SMTN: variants seen among roughly 807,000 people sequenced by gnomAD.
SMTN encodes the protein smoothelin.
Under a neutral mutation model 102.0 loss-of-function variants are expected in SMTN, and 58 were observed. That is an observed-to-expected ratio of 0.57 (90% CI 0.46 to 0.71). SMTN has a LOEUF of 0.71. Among genes scored for constraint, SMTN ranks in the 30% least tolerant of loss-of-function variants. The probability of loss-of-function intolerance (pLI) is 0.00; values close to 1 mark genes in which losing one functional copy is unlikely to be tolerated. For missense variants in SMTN, 1,185 were observed against 1,241.7 expected (o/e 0.95, Z 0.69); for synonymous variants, 478 against 497.9 (o/e 0.96, Z 0.53).
Position 31,100,980 on chromosome 22 carries a change from T to A in SMTN, c.2699T>A (p.Phe900Tyr), listed in dbSNP as rs763546270. The A allele has an allele frequency of 1.1e-5, 17 of 1,613,476 alleles. No homozygotes were observed. Among genetic ancestry groups the A allele is most frequent in the Non-Finnish European group, 1.4e-5 (16 of 1,179,848 alleles). The change falls in exon 20 of 21, where the codon TTC becomes TAC. Residue 900 changes from phenylalanine (F) to tyrosine (Y), a missense_variant. This residue lies in a region of SMTN where 89 missense variants were observed against 128.9 expected (regional missense o/e 0.69). Transcript: ENST00000333137. ...TGCGTGTACACGTACATCCAGGAAT[T>A]CTACCGCTGTCTGGTCCAGAAGGGG... Reference protein sequence around the residue: ...WKCVYTYIQEFYRCLVQKGLV... With the variant: ...WKCVYTYIQEYYRCLVQKGLV...
intron 16 of SMTN, 28 bp downstream of exon 16, chr22:31,097,366 A>G: frequency 5.6e-6 from 9 of 1,602,666 alleles, no homozygotes; most frequent in Non-Finnish European, 7.7e-6. Flanking sequence ...ATCCCTGACC[A>G]TAGAGGAGTC....
rs1279783115 is a variant in SMTN, at chr22:31,070,937, A to AG, written c.-386+6750_-386+6751insG. 4.2e-4 allele frequency among the ~76,000 whole-genome samples: 63 copies of AG among 151,514 alleles called. No individual in the cohort carries two copies. In the South Asian group the frequency reaches 4.6e-3, roughly 11 times the overall value. Reference sequence around the variant, plus strand: ...AAACTCTGTCTCAAAAAAAAAAAAAAAAAAGAAAAGAAAACGATTTAAGCC... The same window carrying AG: ...AAACTCTGTCTCAAAAAAAAAAAAAAGAAAAGAAAAGAAAACGATTTAAGCC... On this transcript the variant is annotated intron_variant, in intron 1 of 3. Coordinates refer to the SMTN transcript ENST00000422839.
intron 3 of SMTN, 26 bp downstream of exon 3, chr22:31,088,139 G>C (rs775519152): frequency 6.4e-7 from 1 of 1,569,958 alleles, no homozygotes; most frequent in Admixed American, 1.8e-5. Flanking sequence ...TGGAACATGC[G>C]GGTGAGAAGG....
upstream of SMTN, among the ~76,000 whole-genome samples, chr22:31,076,818 G>A (rs1176874224): frequency 6.6e-6 from 1 of 152,152 alleles, no homozygotes; most frequent in East Asian, 1.9e-4. Flanking sequence ...AGAAGGGTTT[G>A]CTGGGATCCC....
chr22:31,099,237 C>T lies in SMTN; in HGVS notation c.2451+58C>T, dbSNP rs971721788. The T allele has an allele frequency of 3.6e-6, 4 of 1,110,086 alleles. No homozygotes were observed. In the South Asian group the frequency reaches 5.1e-5, roughly 14 times the overall value. The allele number at this position is 1,110,086 out of a possible 1,614,324, so 68.8% of individuals were successfully genotyped here. ...CTCCCCAGACCCCAGCTCAACACCT[C>T]CTTCTTAGCAGAGCTCCTATTACCC... On this transcript the variant is annotated intron_variant, in intron 18 of 20. Transcript: ENST00000333137.
In SMTN at chr22:31,096,715, GGGGC is replaced by G. The variant is rs1313561131; in HGVS notation, c.1862-17_1862-14del. 6.6e-7 allele frequency: 1 copy of G among 1,517,880 alleles called. No individual in the cohort carries two copies. The highest frequency in any genetic ancestry group is 8.8e-7 in the Non-Finnish European group (1 of 1,138,324). The allele number at this position is 1,517,880 out of a possible 1,614,324, so 94.0% of individuals were successfully genotyped here. A position where few individuals can be genotyped will look rare whatever the true frequency, so the allele number is the denominator to read the frequency against. On this transcript the variant is annotated splice_polypyrimidine_tract_variant and intron_variant, in intron 13 of 20. Coordinates refer to ENST00000333137, the MANE Select transcript of SMTN (RefSeq NM_134269.3). ...GTTGGTGGCCCTTTTGCGCATGCAT[GGGGC>G]ATCCCCTGCCCAGACCAGCGGGACA... is the stretch of plus-strand genomic sequence containing the variant.
At chr22:31,092,104 T>TG (rs1569255965) in intron 11 of SMTN, among the ~76,000 whole-genome samples, 1 of 152,214 alleles carries the variant, frequency 6.6e-6, no homozygotes, top group Non-Finnish European at 1.5e-5. Flanking sequence ...TGCTGATCTC[T>TG]GATCCTTAGT....
At chr22:31,077,892 G>A (rs2042168266), upstream of SMTN, among the ~76,000 whole-genome samples, 1 of 152,198 alleles carries the variant, frequency 6.6e-6, no homozygotes, top group African/African-American at 2.4e-5. Context: ...AGGGCTGCTG[G>A]CCATGACCTA....
chr22:31,085,217 G>T, intron 2 of SMTN: 1 of 1,534,892 alleles, frequency 6.5e-7, no homozygotes, highest in Non-Finnish European at 8.7e-7. Flanking sequence ...CTTCCCTTTA[G>T]ATCCGGACAC....
rs753316790 is a variant in SMTN at position 31,088,091 on chromosome 22, GACA to G, written c.183_185del (p.Asn61del). The G allele has an allele frequency of 8.7e-6, 14 of 1,606,138 alleles. No individual in the cohort carries two copies. In the East Asian group the frequency reaches 1.1e-4, roughly 13 times the overall value. ...CAAGCGTTTCCGTGCCGAGCGGCAG[GACA>G]ACAAGGAGAACTGGCTGCAGTGAGT... On this transcript the variant is annotated inframe_deletion, in exon 3 of 21. Transcript: ENST00000333137.
chr22:31,095,529 T>C lies in SMTN; in HGVS notation c.1786-5T>C. Reference sequence around the variant, plus strand: ...CAGGTAGGCAATGATGGGCTCTATATGCAGCTGGATCAGAGCACGGACTTT... The same window carrying C: ...CAGGTAGGCAATGATGGGCTCTATACGCAGCTGGATCAGAGCACGGACTTT... On this transcript the variant is annotated splice_polypyrimidine_tract_variant and splice_region_variant and intron_variant, in intron 12 of 20. Transcript: ENST00000333137. This position sits in a 1 kb window ranked among gnomAD's most constrained non-coding sequence, Gnocchi z 4.1. 1.2e-6 allele frequency: 2 copies of C among 1,614,200 alleles called. No individual in the cohort carries two copies. Among genetic ancestry groups the C allele is most frequent in the Admixed American group, 1.7e-5 (1 of 60,018 alleles).
At chr22:31,090,682 G>T in intron 8 of SMTN, 126 bp from the exon 9 acceptor site, 1 of 783,856 alleles carries the variant, frequency 1.3e-6, no homozygotes. Flanking sequence ...TGGGGTGGGG[G>T]TTGAGTACAG....
At chr22:31,099,648 G>A in intron 18 of SMTN, 97 bp from the exon 19 acceptor site, 1 of 1,377,504 alleles carries the variant, frequency 7.3e-7, no homozygotes, top group South Asian at 1.3e-5. Context: ...GCCTCTTTGT[G>A]CCCAGTGCCC....
intron 1 of SMTN, chr22:31,065,269 G>A (rs1189040090): frequency 6.6e-6 from 1 of 152,140 alleles, no homozygotes; most frequent in Non-Finnish European, 1.5e-5. Context: ...TTTATAATAA[G>A]TGTCCTTTTG....
In SMTN at chr22:31,088,206, CTG is replaced by C. The variant is rs553027176; in HGVS notation, c.200+96_200+97del. 1,280 of 1,369,006 alleles carry C rather than the reference CTG, an allele frequency of 9.3e-4. 7 individuals are homozygous for C. The Middle Eastern group carries it at 0.01, about 11-fold the overall frequency. 84.8% of individuals were successfully genotyped at this position (1,369,006 alleles called of 1,614,324 possible). A position where few individuals can be genotyped will look rare whatever the true frequency, so the allele number is the denominator to read the frequency against. ...CAGGCAGGCGTGAGCACAAGTGTATCTGTGGATTGCATGTGCTAATGGCAGTA... is the reference window on the plus strand; with the variant it reads ...CAGGCAGGCGTGAGCACAAGTGTATCTGGATTGCATGTGCTAATGGCAGTA... On this transcript the variant is annotated intron_variant, in intron 3 of 20. Transcript: ENST00000333137.
At position 31,101,004 on chromosome 22, in the gene SMTN, G is replaced by A. The variant is rs2044042805; in HGVS notation, c.2723G>A (p.Gly908Glu). ...QEFYRCLVQK[G>E]LVKTKKS ...TTCTACCGCTGTCTGGTCCAGAAGG[G>A]GCTGGTAAAAACCAAAAAGTCCTAA... Residue 908 changes from glycine to glutamate, a missense_variant, in exon 20 of 21, where the codon GGG becomes GAG. Physicochemically the swap from Gly to Glu is moderately conservative, Grantham distance 98. Coordinates refer to ENST00000333137, the MANE Select transcript of SMTN (RefSeq NM_134269.3). The A allele has an allele frequency of 1.9e-6, 3 of 1,613,088 alleles. No individual in the cohort carries two copies. The highest frequency in any genetic ancestry group is 1.1e-5 in the South Asian group (1 of 90,930).
rs117951733 is a variant in SMTN at position 31,089,426 on chromosome 22, A to G, written c.472-273A>G. Among the ~76,000 whole-genome samples, 98 of 152,210 alleles carry G rather than the reference A, an allele frequency of 6.4e-4. No homozygotes were observed. The East Asian group carries it at 0.014, about 22-fold the overall frequency. On this transcript the variant is annotated intron_variant, in intron 6 of 20. Transcript: ENST00000333137. ...GGATCTATTAAGGCTCCCGTCCCCAATAGGTCTCCTGCCATACCCACCCAC... is the reference window on the plus strand; with the variant it reads ...GGATCTATTAAGGCTCCCGTCCCCAGTAGGTCTCCTGCCATACCCACCCAC...
At chr22:31,085,075 G>A (rs928782726) in intron 2 of SMTN, 1 of 1,533,604 alleles carries the variant, frequency 6.5e-7, no homozygotes, top group Non-Finnish European at 8.7e-7. Flanking sequence ...GGCCGGGGAT[G>A]GGAGGAATGG....
At chr22:31,088,234 C>A in intron 3 of SMTN, 121 bp downstream of exon 3, 2 of 1,127,174 alleles carry the variant, frequency 1.8e-6, no homozygotes, top group Admixed American at 2.7e-5. Flanking sequence ...AATGGCAGTA[C>A]GTCCACACAC....
Sources: gnomAD v4.1 joint callset for allele counts (sites outside exome capture counted in the v4.1 genomes callset) on GRCh38, gnomAD v4.1.1 for gene constraint, gnomAD v4.1.1 regional missense constraint, Gnocchi (gnomAD v3.1) non-coding constraint, MANE v1.5 for transcripts, NCBI Gene and HGNC (gene_info 2026-07-23, HGNC 2026-07-21) for gene names.